Variants in UBAC2 observed in about 807,000 individuals in gnomAD.
UBAC2 encodes the protein UBA domain containing 2.
Under a neutral mutation model 44.0 loss-of-function variants are expected in UBAC2, and 26 were observed. The ratio of observed to expected loss-of-function variants is 0.59; its 90% CI spans 0.43 to 0.82. UBAC2 has a LOEUF of 0.82. Among genes scored for constraint, UBAC2 ranks in the 40% least tolerant of loss-of-function variants. UBAC2 has a pLI of 0.00. For missense variants in UBAC2, 329 were observed against 419.4 expected (o/e 0.78, Z 1.88); for synonymous variants, 155 against 154.3 (o/e 1.00, Z -0.04).
In UBAC2 at chr13:99,281,938, G is replaced by A. The variant is rs79826314; in HGVS notation, c.390-32159G>A. ...CCTAATGTATCCAGTTTAAAAGGGC[G>A]TGTAAGCTGTTGCCAGAAGTCTACA... On this transcript the variant is annotated intron_variant, in intron 4 of 8. Coordinates refer to ENST00000403766, the MANE Select transcript of UBAC2 (RefSeq NM_001144072.2). 4.2e-3 allele frequency among the ~76,000 whole-genome samples: 644 copies of A among 152,298 alleles called. 4 individuals are homozygous for A. Among genetic ancestry groups the A allele is most frequent in the African/African-American group, 0.014 (586 of 41,562 alleles).
chr13:99,302,722 C>T lies in UBAC2; in HGVS notation c.390-11375C>T, dbSNP rs373246421. ...TGGTGTGCAAGAGGAACCTGCACTG[C>T]TGTGGAGCTGTGACCAGCATAGTCA... On this transcript the variant is annotated intron_variant, in intron 4 of 8. Transcript: ENST00000403766. Among the ~76,000 whole-genome samples the T allele has an allele frequency of 1.4e-3, 208 of 152,318 alleles. 2 individuals are homozygous for T. The highest frequency in any genetic ancestry group is 4.9e-3 in the African/African-American group (203 of 41,574).
chr13:99,233,471 T>G (rs1261979430), intron 1 of UBAC2, among the ~76,000 whole-genome samples: 1 of 152,056 alleles, frequency 6.6e-6, no homozygotes, highest in Non-Finnish European at 1.5e-5. Flanking sequence ...TTAGAGAAAT[T>G]CTAGGTCTTG....
intron 4 of UBAC2, 143 bp downstream of exon 4, chr13:99,244,767 C>T (rs1030200620): frequency 2.1e-6 from 1 of 480,346 alleles, no homozygotes; most frequent in African/African-American, 2.0e-5. Context: ...AAAGTCTAAT[C>T]TATGCCTACA....
At chr13:99,364,921 A>G (rs2045311460) in intron 7 of UBAC2, among the ~76,000 whole-genome samples, 3 of 152,156 alleles carry the variant, frequency 2.0e-5, no homozygotes, top group South Asian at 4.1e-4. Context: ...GTTCTAGTCC[A>G]TGTCTTTTGA....
chr13:99,350,733 C>G (rs981704695), intron 7 of UBAC2, among the ~76,000 whole-genome samples: 1 of 152,238 alleles, frequency 6.6e-6, no homozygotes, highest in Non-Finnish European at 1.5e-5. Flanking sequence ...AAGGAGTGGA[C>G]CACGGGAACC....
In UBAC2 at chr13:99,386,179, C is replaced by G. The variant is rs1056876434; in HGVS notation, c.*844C>G. 2 of 152,258 alleles carry G rather than the reference C, an allele frequency of 1.3e-5. No individual in the cohort carries two copies. Among genetic ancestry groups the G allele is most frequent in the Non-Finnish European group, 2.9e-5 (2 of 68,092 alleles). The allele number at this position is 152,258 out of a possible 1,614,324, so 9.4% of individuals were successfully genotyped here. On this transcript the variant is annotated 3_prime_UTR_variant, in exon 9 of 9. Transcript: ENST00000403766. ...CTCCTGGCTCGCAGCCAGCCAGCCC[C>G]CTGGCAGCAGGTTCTCCTCAGGGCT...
intron 4 of UBAC2, among the ~76,000 whole-genome samples, chr13:99,312,416 G>A (rs145510039): frequency 5.3e-4 from 80 of 152,304 alleles, no homozygotes; most frequent in Middle Eastern, 3.4e-3. Context: ...GCAAGCTTGT[G>A]CCCAAACCAC....
At chr13:99,351,266 G>A (rs192439545) in intron 7 of UBAC2, among the ~76,000 whole-genome samples, 1 of 152,328 alleles carries the variant, frequency 6.6e-6, no homozygotes, top group African/African-American at 2.4e-5. Context: ...CCTAATTTAG[G>A]AGCCAACCTT....
At chr13:99,213,025 G>C (rs9517650) in intron 1 of UBAC2, among the ~76,000 whole-genome samples, 71,344 of 151,636 alleles carry the variant, frequency 0.47, 19,036 homozygotes, top group Non-Finnish European at 0.62. Flanking sequence ...TGGTAGTCTA[G>C]TGGTCATTCT....
At chr13:99,266,827 A>G (rs1298721789) in intron 4 of UBAC2, among the ~76,000 whole-genome samples, 5 of 152,328 alleles carry the variant, frequency 3.3e-5, no homozygotes, top group Non-Finnish European at 5.9e-5. Context: ...TGTACCCATC[A>G]TACAGCAAAT....
intron 4 of UBAC2, among the ~76,000 whole-genome samples, chr13:99,253,643 A>T (rs2043490236): frequency 6.6e-6 from 1 of 152,056 alleles, no homozygotes; most frequent in African/African-American, 2.4e-5. Flanking sequence ...CTTCCCGAGT[A>T]GCTGGGATTA....
intron 8 of UBAC2, chr13:99,372,314 A>G (rs1319972231): frequency 6.6e-6 from 1 of 152,340 alleles, no homozygotes; most frequent in Non-Finnish European, 1.5e-5. Flanking sequence ...TTAGAGTTGA[A>G]AGATAATGTC....
At chr13:99,371,370 C>T (rs1006772825) in intron 8 of UBAC2, among the ~76,000 whole-genome samples, 3 of 152,132 alleles carry the variant, frequency 2.0e-5, no homozygotes, top group African/African-American at 7.2e-5. Context: ...GATTATCCTG[C>T]AAATAGCTGT....
intron 4 of UBAC2, chr13:99,255,303 A>G: frequency 6.2e-7 from 1 of 1,614,158 alleles, no homozygotes; most frequent in Non-Finnish European, 8.5e-7. Context: ...ATGTCAGTCG[A>G]GTGAGGTTCA....
chr13:99,277,739 C>T (rs1055832129), intron 4 of UBAC2, among the ~76,000 whole-genome samples: 3 of 152,178 alleles, frequency 2.0e-5, no homozygotes, highest in South Asian at 4.1e-4. Flanking sequence ...TCACTGTGCT[C>T]TATTGTCTCA....
intron 1 of UBAC2, among the ~76,000 whole-genome samples, chr13:99,234,033 A>G (rs1224855727): frequency 1.3e-5 from 2 of 152,076 alleles, no homozygotes; most frequent in Non-Finnish European, 2.9e-5. Flanking sequence ...CAGAGCTCCC[A>G]TACAAAGGGA....
intron 4 of UBAC2, among the ~76,000 whole-genome samples, chr13:99,310,933 G>A (rs1192023238): frequency 1.3e-5 from 2 of 152,144 alleles, no homozygotes; most frequent in African/African-American, 4.8e-5. Context: ...CCCAAATAGG[G>A]TTCTATAATC....
chr13:99,309,046 C>T (rs1481211205), intron 4 of UBAC2, among the ~76,000 whole-genome samples: 1 of 151,914 alleles, frequency 6.6e-6, no homozygotes, highest in East Asian at 1.9e-4. Flanking sequence ...TTAAGTAAAA[C>T]ATTTTTATAT....
chr13:99,355,300 C>T (rs577233642), intron 7 of UBAC2, among the ~76,000 whole-genome samples: 3 of 152,314 alleles, frequency 2.0e-5, no homozygotes, highest in Admixed American at 6.5e-5. Context: ...ACAGAATATA[C>T]GATGCAGAAA....
Sources: gnomAD v4.1 joint callset for allele counts (sites outside exome capture counted in the v4.1 genomes callset) on GRCh38, gnomAD v4.1.1 for gene constraint, MANE v1.5 for transcripts, NCBI Gene and HGNC (gene_info 2026-07-23, HGNC 2026-07-21) for gene names.